The following HECW1 variants were observed in gnomAD, a reference collection of about 807,000 sequenced individuals.
HECW1 encodes the protein HECT, C2 and WW domain containing E3 ubiquitin protein ligase 1.
HECW1 carries 61 observed loss-of-function variants against 182.3 expected under a neutral mutation model. That is an observed-to-expected ratio of 0.33 (90% CI 0.27 to 0.41). The LOEUF is 0.41. HECW1 is among the 10% of genes least tolerant of loss of function. The pLI is 1.00. For synonymous variants in HECW1, 859 were observed against 832.6 expected, an observed-to-expected ratio of 1.03 and a Z score of -0.55; for missense variants, 1,739 against 2,108.9, an observed-to-expected ratio of 0.82 and a Z score of 3.44.
intron 2 of HECW1, among the ~76,000 whole-genome samples, chr7:43,194,237 AT>A (rs1247390810): frequency 6.6e-6 from 1 of 151,824 alleles, no homozygotes; most frequent in African/African-American, 2.4e-5. Context: ...TTGGAATTCT[AT>A]TTTTTTGGTT....
intron 24 of HECW1, chr7:43,510,201 G>T (rs940039762): frequency 6.6e-6 from 1 of 152,240 alleles, no homozygotes; most frequent in Non-Finnish European, 1.5e-5. Context: ...CTCTCACTGA[G>T]CTCACATTCA....
At chr7:43,192,121 G>A (rs1451123036) in intron 2 of HECW1, among the ~76,000 whole-genome samples, 5 of 152,076 alleles carry the variant, frequency 3.3e-5, no homozygotes, top group East Asian at 1.9e-4. Flanking sequence ...CACCACACCC[G>A]GCTAATTTTT....
chr7:43,200,990 T>A (rs1041130167), intron 2 of HECW1, among the ~76,000 whole-genome samples: 1 of 152,156 alleles, frequency 6.6e-6, no homozygotes, highest in Non-Finnish European at 1.5e-5. Context: ...CCAGAGTCGA[T>A]GTAAGATTCA....
chr7:43,183,702 C>T (rs1793084781), intron 2 of HECW1, among the ~76,000 whole-genome samples: 1 of 152,142 alleles, frequency 6.6e-6, no homozygotes, highest in Non-Finnish European at 1.5e-5. Flanking sequence ...TCTATGGTTA[C>T]AACTGATGAA....
At chr7:43,371,822 ATTTTG>A (rs1395212431) in intron 6 of HECW1, among the ~76,000 whole-genome samples, 3 of 151,938 alleles carry the variant, frequency 2.0e-5, no homozygotes, top group African/African-American at 7.3e-5. Context: ...TTGATGGTGG[ATTTTG>A]TTTTGTTTTG....
At chr7:43,159,766 T>C (rs35215427) in intron 2 of HECW1, among the ~76,000 whole-genome samples, 76,773 of 149,542 alleles carry the variant, frequency 0.51, 21,362 homozygotes, top group African/African-American at 0.74. Context: ...CTGCAAGCTC[T>C]GCTCCCAGGT....
chr7:43,223,506 C>G (rs1178043589), intron 2 of HECW1, among the ~76,000 whole-genome samples: 3 of 152,104 alleles, frequency 2.0e-5, no homozygotes, highest in African/African-American at 7.2e-5. Flanking sequence ...GTAATGCCAG[C>G]TACTCGGGAG....
At chr7:43,375,281 T>C (rs2074279966) in intron 6 of HECW1, among the ~76,000 whole-genome samples, 1 of 151,802 alleles carries the variant, frequency 6.6e-6, no homozygotes, top group Admixed American at 6.6e-5. Context: ...CTTGGTAAGA[T>C]GTCTATTTAA....
chr7:43,498,206 G>T (rs6958893), intron 19 of HECW1, among the ~76,000 whole-genome samples: 26,736 of 152,168 alleles, frequency 0.18, 2,678 homozygotes, highest in South Asian at 0.23. Flanking sequence ...CAGAAAATCG[G>T]GCTTAGCATT....
At chr7:43,386,929 G>T (rs2074824410) in intron 6 of HECW1, among the ~76,000 whole-genome samples, 1 of 152,096 alleles carries the variant, frequency 6.6e-6, no homozygotes, top group Non-Finnish European at 1.5e-5. Flanking sequence ...GAAACATAAG[G>T]CCAAGACTAC....
At chr7:43,434,951 A>C (rs2076664499) in intron 8 of HECW1, among the ~76,000 whole-genome samples, 1 of 152,138 alleles carries the variant, frequency 6.6e-6, no homozygotes, top group African/African-American at 2.4e-5. Context: ...AGAAAAAGGA[A>C]ATGGGGGAAA....
chr7:43,211,041 A>G (rs371441177), intron 2 of HECW1, among the ~76,000 whole-genome samples: 1 of 152,182 alleles, frequency 6.6e-6, no homozygotes, highest in Non-Finnish European at 1.5e-5. Flanking sequence ...TCCCTCCTGC[A>G]GTGCTCTCAG....
intron 15 of HECW1, among the ~76,000 whole-genome samples, chr7:43,466,807 G>A (rs2077799390): frequency 6.6e-6 from 1 of 152,188 alleles, no homozygotes; most frequent in Non-Finnish European, 1.5e-5. Context: ...GTTAATGTCA[G>A]TGAAAGTGCT....
chr7:43,493,235 G>T (rs548757135), intron 19 of HECW1, 55 bp downstream of exon 19: 12 of 1,212,724 alleles, frequency 9.9e-6, no homozygotes, highest in Non-Finnish European at 1.3e-5. Flanking sequence ...CATTTTTCCC[G>T]GTGGGAAAAC....
chr7:43,513,855 A>G (rs10270514), intron 24 of HECW1, among the ~76,000 whole-genome samples: 41,147 of 151,876 alleles, frequency 0.27, 5,553 homozygotes, highest in South Asian at 0.35. Context: ...GCCAAAGAGA[A>G]AGAGGAGTTA....
intron 3 of HECW1, among the ~76,000 whole-genome samples, chr7:43,266,700 AT>A (rs1801841131): frequency 1.3e-5 from 2 of 152,312 alleles, no homozygotes; most frequent in South Asian, 4.1e-4. Flanking sequence ...TAAAATATAT[AT>A]TTTTATTATA....
intron 3 of HECW1, among the ~76,000 whole-genome samples, chr7:43,266,113 A>G (rs1801762036): frequency 6.6e-6 from 1 of 152,142 alleles, no homozygotes; most frequent in Admixed American, 6.5e-5. Context: ...TTGTTGGATC[A>G]GTCTCTACCC....
chr7:43,230,357 G>A lies in HECW1; in HGVS notation c.-31-13518G>A, dbSNP rs188098369. The stretch of plus-strand genomic sequence containing the variant: ...TGCAATGAGCCAAGATCGCACCACT[G>A]TACTCCAGCCTGGGTGACAGAGAGA... On this transcript the variant is annotated intron_variant, in intron 2 of 29. Coordinates refer to ENST00000395891, the MANE Select transcript of HECW1 (RefSeq NM_015052.5). Among the ~76,000 whole-genome samples, 18 of 152,264 alleles carry A rather than the reference G, an allele frequency of 1.2e-4. No individual in the cohort carries two copies. In the East Asian group the frequency reaches 3.5e-3, roughly 29 times the overall value.
At chr7:43,116,373 C>T (rs1176077087) in intron 2 of HECW1, among the ~76,000 whole-genome samples, 1 of 152,198 alleles carries the variant, frequency 6.6e-6, no homozygotes, top group Admixed American at 6.5e-5. Flanking sequence ...GACGTGAGCA[C>T]CCTTCTGCCC....
Sources: allele counts gnomAD v4.1 joint callset (sites outside exome capture counted in the v4.1 genomes callset), GRCh38; gene constraint gnomAD v4.1.1; transcripts MANE v1.5; gene names NCBI Gene and HGNC (gene_info 2026-07-23, HGNC 2026-07-21).